The following RPTOR variants were observed in gnomAD, a reference collection of about 807,000 sequenced individuals.
RPTOR encodes the protein regulatory associated protein of MTOR complex 1, also known as regulatory-associated protein of mTOR.
A neutral mutation model predicts 169.9 loss-of-function variants in RPTOR; 21 were observed. That is an observed-to-expected ratio of 0.12 (90% CI 0.09 to 0.18). The LOEUF (loss-of-function observed/expected upper bound fraction) is 0.18. Among genes scored for constraint, RPTOR ranks in the 10% least tolerant of loss-of-function variants. RPTOR has a pLI of 1.00. For missense variants in RPTOR, 1,133 were observed against 1,855.9 expected, an observed-to-expected ratio of 0.61 and a Z score of 7.16; for synonymous variants, 732 against 753.2, an observed-to-expected ratio of 0.97 and a Z score of 0.46.
rs1221799680 is a variant in RPTOR, at chr17:80,909,013, G to C, written c.2520+84G>C. On this transcript the variant is annotated intron_variant, in intron 21 of 33. Coordinates refer to ENST00000306801, the MANE Select transcript of RPTOR (RefSeq NM_020761.3). ...ATGCCAGGAACTCCAGGTGTGCCCG[G>C]GTCCACACCACAGTTTAGAAAGTAA... 3 of 899,694 alleles carry C rather than the reference G, an allele frequency of 3.3e-6. No homozygotes were observed. The East Asian group carries it at 7.3e-5, about 22-fold the overall frequency. The allele number at this position is 899,694 out of a possible 1,614,324, so 55.7% of individuals were successfully genotyped here. A position where few individuals can be genotyped will look rare whatever the true frequency, so the allele number is the denominator to read the frequency against.
At chr17:80,769,462 C>G (rs2066820048) in intron 6 of RPTOR, among the ~76,000 whole-genome samples, 1 of 152,168 alleles carries the variant, frequency 6.6e-6, no homozygotes, top group Admixed American at 6.5e-5. Context: ...GGACTCTGTG[C>G]AATGAGAACT....
intron 11 of RPTOR, 84 bp downstream of exon 11, chr17:80,846,658 C>A: frequency 8.7e-7 from 1 of 1,147,604 alleles, no homozygotes; most frequent in Non-Finnish European, 1.3e-6. Context: ...AGTGCCTTCT[C>A]TCTCCCTGAG....
At chr17:80,838,710 G>A (rs377316636) in intron 10 of RPTOR, among the ~76,000 whole-genome samples, 1 of 152,228 alleles carries the variant, frequency 6.6e-6, no homozygotes. Flanking sequence ...GATGGGGGAG[G>A]CGGCAGCCTG....
At chr17:80,647,849 G>A (rs765974343) in intron 3 of RPTOR, among the ~76,000 whole-genome samples, 8 of 152,100 alleles carry the variant, frequency 5.3e-5, no homozygotes, top group Non-Finnish European at 7.4e-5. Context: ...GGAGCTGAGC[G>A]GTCAGGTTGA....
In RPTOR at chr17:80,625,678, G is replaced by C. The variant is rs1567825791; in HGVS notation, c.163-13G>C. 1 of 1,549,822 alleles carries C rather than the reference G, an allele frequency of 6.5e-7. No homozygotes were observed. Among genetic ancestry groups the C allele is most frequent in the East Asian group, 2.2e-5 (1 of 44,568 alleles). ...TTGAAATATTTATTTATTTTTTTCT[G>C]TTGTGTTTTCAGATGAAGACAGTCA... is the stretch of plus-strand genomic sequence containing the variant. On this transcript the variant is annotated splice_polypyrimidine_tract_variant and intron_variant, in intron 1 of 33. Transcript: ENST00000306801.
intron 33 of RPTOR, among the ~76,000 whole-genome samples, chr17:80,963,453 GGCCC>G (rs2069375668): frequency 1.4e-5 from 1 of 71,058 alleles, no homozygotes; most frequent in African/African-American, 6.2e-5. Flanking sequence ...TCCCCTCTGC[GGCCC>G]TCACCCCGTC....
At chr17:80,738,835 A>T (rs1252845794) in intron 5 of RPTOR, among the ~76,000 whole-genome samples, 1 of 152,208 alleles carries the variant, frequency 6.6e-6, no homozygotes, top group East Asian at 1.9e-4. Context: ...TGTATCCATG[A>T]TGCATTAAAT....
chr17:80,942,215 T>C, intron 25 of RPTOR, among the ~76,000 whole-genome samples: 1 of 151,628 alleles, frequency 6.6e-6, no homozygotes, highest in Non-Finnish European at 1.5e-5. Context: ...GCCTGCTAGC[T>C]GGGATGGCCA....
Position 80,710,571 on chromosome 17 carries a change from A to ATGTGTGTGTG in RPTOR, c.507+2604_507+2613dup, listed in dbSNP as rs59732457. On this transcript the variant is annotated intron_variant, in intron 4 of 33. Coordinates refer to ENST00000306801, the MANE Select transcript of RPTOR (RefSeq NM_020761.3). ...TGATTTGCCTCCCTTGGTTATTTGT[A>ATGTGTGTGTG]TGTGTGTGTGTGTGTGTGTGTGTGT... Among the ~76,000 whole-genome samples the ATGTGTGTGTG allele has an allele frequency of 1.9e-3, 272 of 145,118 alleles. 4 individuals carry two copies. Among genetic ancestry groups the ATGTGTGTGTG allele is most frequent in the East Asian group, 0.011 (54 of 4,932 alleles).
At chr17:80,648,671 C>T (rs1055432591) in intron 3 of RPTOR, among the ~76,000 whole-genome samples, 1 of 152,118 alleles carries the variant, frequency 6.6e-6, no homozygotes, top group African/African-American at 2.4e-5. Context: ...CAATTGGTAT[C>T]AGCACAAGTC....
intron 9 of RPTOR, among the ~76,000 whole-genome samples, chr17:80,833,312 T>TG (rs1291517731): frequency 6.6e-6 from 1 of 152,106 alleles, no homozygotes; most frequent in Non-Finnish European, 1.5e-5. Flanking sequence ...CCCCAGCTGC[T>TG]GGGGGGGAGG....
At position 80,589,214 on chromosome 17, in the gene RPTOR, G is replaced by A. The variant is rs143094871; in HGVS notation, c.163-36477G>A. Among the ~76,000 whole-genome samples the A allele has an allele frequency of 3.4e-3, 516 of 152,286 alleles. 1 individual carries two copies. The highest frequency in any genetic ancestry group is 0.012 in the African/African-American group (488 of 41,564). ...TGCATATGAATTTTAATTTGTCCCA[G>A]CTCCTTTCACTTGCAGGGACTATGA... On this transcript the variant is annotated intron_variant, in intron 1 of 33. Coordinates refer to ENST00000306801, the MANE Select transcript of RPTOR (RefSeq NM_020761.3).
intron 21 of RPTOR, among the ~76,000 whole-genome samples, chr17:80,918,531 TAGCC>T (rs2068706856): frequency 1.5e-5 from 1 of 68,628 alleles, no homozygotes; most frequent in Non-Finnish European, 3.3e-5. Flanking sequence ...GCGGGGGTCA[TAGCC>T]ATGAGCACCC....
At chr17:80,585,247 C>G (rs9902719) in intron 1 of RPTOR, among the ~76,000 whole-genome samples, 42,348 of 146,454 alleles carry the variant, frequency 0.29, 6,531 homozygotes, top group Middle Eastern at 0.36. Context: ...CTCTGTCGCC[C>G]AGGTTGGAGT....
rs1306697719 is a variant in RPTOR at position 80,545,809 on chromosome 17, G to A, written c.162+18G>A. 6.3e-7 allele frequency: 1 copy of A among 1,580,244 alleles called. No homozygotes were observed. Among genetic ancestry groups the A allele is most frequent in the Non-Finnish European group, 8.6e-7 (1 of 1,162,110 alleles). ...AGGATCGGGTAAGTGGATTCTGAAGGCACCCCTTGAACTTGGTAGTTTCCC... is the reference window on the plus strand; with the variant it reads ...AGGATCGGGTAAGTGGATTCTGAAGACACCCCTTGAACTTGGTAGTTTCCC... On this transcript the variant is annotated intron_variant, in intron 1 of 33. Coordinates refer to ENST00000306801, the MANE Select transcript of RPTOR (RefSeq NM_020761.3).
At chr17:80,943,893 G>A (rs2069066444) in intron 25 of RPTOR, among the ~76,000 whole-genome samples, 1 of 152,286 alleles carries the variant, frequency 6.6e-6, no homozygotes. Flanking sequence ...AAGGCTTGGG[G>A]GTCCCCAAGA....
At chr17:80,626,355 C>T (rs930144014) in intron 2 of RPTOR, among the ~76,000 whole-genome samples, 4 of 52,750 alleles carry the variant, frequency 7.6e-5, no homozygotes, top group East Asian at 7.7e-4. Flanking sequence ...ATTACACGCC[C>T]GGCCAATTTT....
At chr17:80,602,675 G>A (rs2065198887) in intron 1 of RPTOR, 1 of 714,986 alleles carries the variant, frequency 1.4e-6, no homozygotes, top group Admixed American at 1.8e-5. Context: ...ACCACGCACG[G>A]ATGCGGTAGG....
chr17:80,952,438 C>T (rs1333499455), intron 28 of RPTOR, among the ~76,000 whole-genome samples: 2 of 152,158 alleles, frequency 1.3e-5, no homozygotes, highest in African/African-American at 2.4e-5. Context: ...TCAGGCCCTC[C>T]GCCAGCTTCT....
Sources: allele counts gnomAD v4.1 joint callset (sites outside exome capture counted in the v4.1 genomes callset), GRCh38; gene constraint gnomAD v4.1.1; transcripts MANE v1.5; gene names NCBI Gene and HGNC (gene_info 2026-07-23, HGNC 2026-07-21).